The following ACTG2 variants were observed in gnomAD, a reference collection of about 807,000 sequenced individuals.
ACTG2 encodes actin gamma 2, smooth muscle, also known as actin, gamma-enteric smooth muscle.
In ACTG2, 16 loss-of-function variants were observed where a neutral mutation model predicts 37.6. The observed-to-expected ratio is 0.43, with a 90% CI of 0.29 to 0.65. The LOEUF (loss-of-function observed/expected upper bound fraction) is 0.65. ACTG2 is among the 30% of genes least tolerant of loss of function. The pLI is 0.18. For missense variants in ACTG2, 238 were observed against 490.9 expected (o/e 0.48, Z 4.87); for synonymous variants, 181 against 179.9 (o/e 1.01, Z -0.05).
At chr2:73,895,513 A>G (rs1679727779) in intron 1 of ACTG2, among the ~76,000 whole-genome samples, 1 of 152,202 alleles carries the variant, frequency 6.6e-6, no homozygotes, top group African/African-American at 2.4e-5. Flanking sequence ...GTGTAGGCAA[A>G]TAATAAAAGG....
At chr2:73,916,895 G>C (rs1326204221) in intron 8 of ACTG2, 130 bp downstream of exon 8, 2 of 1,090,326 alleles carry the variant, frequency 1.8e-6, no homozygotes, top group East Asian at 5.3e-5. Context: ...TCCTGGACTG[G>C]AGCCAATTTT....
chr2:73,905,784 A>T (rs1033103164), intron 3 of ACTG2, among the ~76,000 whole-genome samples: 2 of 152,108 alleles, frequency 1.3e-5, no homozygotes, highest in African/African-American at 4.8e-5. Flanking sequence ...TCTTTGGAAA[A>T]CATCCTGAAT....
At position 73,919,641 on chromosome 2, in the gene ACTG2, C is replaced by T. The variant is rs1418842834; in HGVS notation, c.*66C>T. ...TGTTACCAGTCATGAAACATTAAAA[C>T]CTACAAGCCTTACTTCTCTGTGTGG... is the stretch of plus-strand genomic sequence containing the variant. On this transcript the variant is annotated 3_prime_UTR_variant, in exon 9 of 9. Transcript: ENST00000345517. The T allele has an allele frequency of 2.6e-6, 4 of 1,551,712 alleles. No homozygotes were observed. The highest frequency in any genetic ancestry group is 3.5e-6 in the Non-Finnish European group (4 of 1,141,746).
chr2:73,911,170 A>G (rs1680127346), intron 5 of ACTG2, among the ~76,000 whole-genome samples: 1 of 152,146 alleles, frequency 6.6e-6, no homozygotes, highest in Non-Finnish European at 1.5e-5. Context: ...TAATAAGTAG[A>G]AGGAGTACAC....
intron 3 of ACTG2, among the ~76,000 whole-genome samples, chr2:73,904,393 C>T (rs181419514): frequency 4.4e-4 from 67 of 151,166 alleles, no homozygotes; most frequent in Non-Finnish European, 8.1e-4. Context: ...GCCTTAAGGC[C>T]GGGCACAGTG....
chr2:73,911,259 C>T (rs2264649), intron 5 of ACTG2, among the ~76,000 whole-genome samples: 79,099 of 151,990 alleles, frequency 0.52, 21,739 homozygotes, highest in Admixed American at 0.64. Flanking sequence ...TTTGGGAGGC[C>T]GAGGTGGGTG....
chr2:73,902,609 T>C (rs1301700987), intron 3 of ACTG2, 121 bp downstream of exon 3: 1 of 1,554,444 alleles, frequency 6.4e-7, no homozygotes, highest in Non-Finnish European at 8.7e-7. Flanking sequence ...ACTTCTGTCT[T>C]TCCTTTCTTT....
chr2:73,905,361 C>T (rs1483840389), intron 3 of ACTG2, among the ~76,000 whole-genome samples: 1 of 151,936 alleles, frequency 6.6e-6, no homozygotes, highest in African/African-American at 2.4e-5. Flanking sequence ...CTTTTAATAT[C>T]TCAAAAATAA....
At position 73,913,627 on chromosome 2, in the gene ACTG2, C is replaced by T. The variant is rs755453675; in HGVS notation, c.594C>T (p.Gly198=). Residue 198 remains glycine (G), a synonymous_variant, in exon 6 of 9, where the codon GGC becomes GGT. Coordinates refer to ENST00000345517, the MANE Select transcript of ACTG2 (RefSeq NM_001615.4). ...DYLMKILTER[G]YSFVTTAERE... ...TCATGAAGATCCTCACAGAGAGAGGCTATTCCTTTGTGACCACAGGTATCC... is the reference window on the plus strand; with the variant it reads ...TCATGAAGATCCTCACAGAGAGAGGTTATTCCTTTGTGACCACAGGTATCC... 3.1e-6 allele frequency: 5 copies of T among 1,612,846 alleles called. No homozygotes were observed. The Middle Eastern group carries it at 4.9e-4, about 160-fold the overall frequency.
intron 2 of ACTG2, chr2:73,901,727 A>C (rs1004762280): frequency 2.4e-6 from 1 of 418,756 alleles, no homozygotes; most frequent in Non-Finnish European, 4.1e-6. Flanking sequence ...CAGGCACACA[A>C]TGACACTACT....
intron 1 of ACTG2, among the ~76,000 whole-genome samples, chr2:73,894,958 G>A (rs1002061594): frequency 6.6e-6 from 1 of 152,212 alleles, no homozygotes; most frequent in Non-Finnish European, 1.5e-5. Context: ...GCTGTGAGGA[G>A]AGTGGACTGG....
Position 73,908,941 on chromosome 2 carries a change from T to G in ACTG2, c.367-114T>G, listed in dbSNP as rs1247260298. The G allele has an allele frequency of 7.9e-6, 10 of 1,260,348 alleles. No individual in the cohort carries two copies. The Admixed American group carries it at 8.8e-5, about 11-fold the overall frequency. The allele number at this position is 1,260,348 out of a possible 1,614,324, so 78.1% of individuals were successfully genotyped here. A position where few individuals can be genotyped will look rare whatever the true frequency, so the allele number is the denominator to read the frequency against. On this transcript the variant is annotated intron_variant, in intron 4 of 8. Transcript: ENST00000345517. ...CCCTGGGGGAGTGGGTGTGGAATAA[T>G]GAACTATCAAACTGGCATAGTTCCT...
intron 3 of ACTG2, chr2:73,902,881 C>T (rs997868167): frequency 9.5e-5 from 101 of 1,058,298 alleles, no homozygotes; most frequent in Non-Finnish European, 1.2e-4. Context: ...CTGATCCCCG[C>T]GATCATCTTT....
intron 3 of ACTG2, among the ~76,000 whole-genome samples, chr2:73,906,391 C>T (rs914669573): frequency 3.3e-5 from 5 of 152,070 alleles, no homozygotes; most frequent in African/African-American, 1.2e-4. Context: ...GCGGAGCTTG[C>T]AGTGAGCCGA....
chr2:73,902,018 C>CGTGTGTAT (rs1679896251), intron 2 of ACTG2, among the ~76,000 whole-genome samples: 1 of 146,342 alleles, frequency 6.8e-6, no homozygotes, highest in Non-Finnish European at 1.5e-5. Flanking sequence ...GCATACAAGT[C>CGTGTGTAT]GTGTGTGTGT....
intron 3 of ACTG2, among the ~76,000 whole-genome samples, chr2:73,903,976 T>C (rs1425751524): frequency 9.6e-6 from 1 of 103,970 alleles, no homozygotes; most frequent in Non-Finnish European, 2.0e-5. Flanking sequence ...AAAAACCACA[T>C]AATAGAGGCC....
chr2:73,904,593 G>A (rs1181748060), intron 3 of ACTG2, among the ~76,000 whole-genome samples: 1 of 151,662 alleles, frequency 6.6e-6, no homozygotes, highest in Non-Finnish European at 1.5e-5. Flanking sequence ...GGGAGGTGGA[G>A]GTTTCAGTGA....
At chr2:73,895,153 TGAG>T (rs1373163853) in intron 1 of ACTG2, among the ~76,000 whole-genome samples, 7 of 151,556 alleles carry the variant, frequency 4.6e-5, no homozygotes, top group South Asian at 2.1e-4. Context: ...AGGCTGCTGA[TGAG>T]GAGAGCAGTC....
At chr2:73,903,966 A>C (rs971160819) in intron 3 of ACTG2, among the ~76,000 whole-genome samples, 4 of 150,574 alleles carry the variant, frequency 2.7e-5, no homozygotes, top group African/African-American at 7.3e-5. Context: ...AAAACAAAAA[A>C]AAAACCACAT....
Sources: allele counts gnomAD v4.1 joint callset (sites outside exome capture counted in the v4.1 genomes callset), GRCh38; gene constraint gnomAD v4.1.1; transcripts MANE v1.5; gene names NCBI Gene and HGNC (gene_info 2026-07-23, HGNC 2026-07-21).